The following STPG2 variants were observed in gnomAD, a reference collection of about 807,000 sequenced individuals.
STPG2 encodes the protein sperm-tail PG-rich repeat-containing protein 2.
In STPG2, 56 loss-of-function variants were observed where a neutral mutation model predicts 54.2. The ratio of observed to expected loss-of-function variants is 1.03; its 90% confidence interval spans 0.83 to 1.29. The LOEUF is 1.29. STPG2 is among the 50% of genes most tolerant of loss of function. The probability of loss-of-function intolerance (pLI) is 0.00; values close to 1 mark genes in which losing one functional copy is unlikely to be tolerated. For synonymous variants in STPG2, 200 were observed against 181.8 expected (o/e 1.10, Z -0.81); for missense variants, 596 against 544.9 (o/e 1.09, Z -0.93).
At chr4:98,035,489 C>T (rs951753355) in intron 5 of STPG2, among the ~76,000 whole-genome samples, 5 of 152,172 alleles carry the variant, frequency 3.3e-5, no homozygotes, top group African/African-American at 4.8e-5. Context: ...CGCTCTTCCA[C>T]TGTTGGTGGG....
At chr4:97,863,076 A>T (rs1729616546) in intron 8 of STPG2, among the ~76,000 whole-genome samples, 2 of 152,164 alleles carry the variant, frequency 1.3e-5, no homozygotes, top group Admixed American at 1.3e-4. Flanking sequence ...AGCTAGCAGA[A>T]GGCAAGAAAT....
At chr4:98,009,875 G>C (rs1173747116) in intron 5 of STPG2, among the ~76,000 whole-genome samples, 1 of 151,722 alleles carries the variant, frequency 6.6e-6, no homozygotes, top group African/African-American at 2.4e-5. Flanking sequence ...TTTCTTCTAG[G>C]TTTTTCAGTT....
chr4:97,930,267 G>T (rs1219473480), intron 8 of STPG2, among the ~76,000 whole-genome samples: 3 of 152,164 alleles, frequency 2.0e-5, no homozygotes, highest in Non-Finnish European at 4.4e-5. Flanking sequence ...TTATGTCCAA[G>T]ATAGTATTGG....
chr4:97,830,365 C>T (rs768555554), intron 9 of STPG2, among the ~76,000 whole-genome samples: 5 of 152,128 alleles, frequency 3.3e-5, no homozygotes, highest in Non-Finnish European at 7.3e-5. Flanking sequence ...ATAAGAGCTC[C>T]TGAAGGAAAC....
chr4:98,142,991 G>C, intron 1 of STPG2, 51 bp downstream of exon 1: 1 of 1,492,076 alleles, frequency 6.7e-7, no homozygotes, highest in Non-Finnish European at 9.2e-7. Context: ...AGCGGAGCAG[G>C]CTGAAGATAG....
chr4:97,922,683 C>G (rs1051398326), intron 8 of STPG2, among the ~76,000 whole-genome samples: 2 of 152,170 alleles, frequency 1.3e-5, no homozygotes, highest in African/African-American at 4.8e-5. Context: ...CCAGATGGCT[C>G]TCTGTTAGGT....
rs187184908 is a variant in STPG2, at chr4:98,127,001, C to T, written c.387+1427G>A. Among the ~76,000 whole-genome samples, 736 of 151,844 alleles carry T rather than the reference C, an allele frequency of 4.8e-3. 6 individuals are homozygous for T. Among genetic ancestry groups the T allele is most frequent in the Non-Finnish European group, 5.9e-3 (398 of 67,952 alleles). On this transcript the variant is annotated intron_variant, in intron 3 of 10. Transcript: ENST00000295268. ...ATGAATTAGATCTAATATACTCATA[C>T]GGTTATATCTGGAAAATATAACAGT... is the stretch of plus-strand genomic sequence containing the variant.
intron 9 of STPG2, among the ~76,000 whole-genome samples, chr4:97,758,910 G>T (rs1725810023): frequency 6.6e-6 from 1 of 151,888 alleles, no homozygotes; most frequent in African/African-American, 2.4e-5. Flanking sequence ...GAAAAAAAAA[G>T]AATTTAGCAA....
At chr4:97,902,188 C>T (rs1435332626) in intron 8 of STPG2, among the ~76,000 whole-genome samples, 1 of 151,982 alleles carries the variant, frequency 6.6e-6, no homozygotes, top group Non-Finnish European at 1.5e-5. Flanking sequence ...AGACCTGAAA[C>T]CACAGGATTT....
chr4:97,560,237 C>T (rs1732190162), intron 10 of STPG2, among the ~76,000 whole-genome samples: 1 of 152,100 alleles, frequency 6.6e-6, no homozygotes, highest in South Asian at 2.1e-4. Context: ...TACTCTGTTT[C>T]CTAACTATGA....
At chr4:97,987,938 G>A (rs113696444) in intron 5 of STPG2, among the ~76,000 whole-genome samples, 8 of 151,622 alleles carry the variant, frequency 5.3e-5, no homozygotes, top group African/African-American at 1.7e-4. Context: ...TCCACAATCC[G>A]AGTCAGATTG....
At position 97,863,014 on chromosome 4, in the gene STPG2, C is replaced by A. The variant is rs1729614420; in HGVS notation, c.1045-22082G>T. ...AAGCAGGAAAGATCTAAAATTGACACCCTAACATCACAATTAAAAGAACTA... is the reference window on the plus strand; with the variant it reads ...AAGCAGGAAAGATCTAAAATTGACAACCTAACATCACAATTAAAAGAACTA... On this transcript the variant is annotated intron_variant, in intron 8 of 10. Coordinates refer to ENST00000295268, the MANE Select transcript of STPG2 (RefSeq NM_174952.3). 3.9e-5 allele frequency among the ~76,000 whole-genome samples: 6 copies of A among 152,052 alleles called. No homozygotes were observed. The South Asian group carries it at 1.2e-3, about 32-fold the overall frequency.
At chr4:97,864,296 C>T (rs1729677124) in intron 8 of STPG2, among the ~76,000 whole-genome samples, 2 of 95,578 alleles carry the variant, frequency 2.1e-5, no homozygotes, top group Admixed American at 1.7e-4. Context: ...CATTCTTAGA[C>T]ACCAATAACA....
At chr4:97,973,739 G>A (rs9991616) in intron 6 of STPG2, among the ~76,000 whole-genome samples, 6 of 146,556 alleles carry the variant, frequency 4.1e-5, no homozygotes, top group South Asian at 2.2e-4. Context: ...AGGAGCCAAC[G>A]TAGAGCTCAG....
chr4:98,130,920 T>C (rs1578185527), intron 2 of STPG2, among the ~76,000 whole-genome samples: 1 of 37,142 alleles, frequency 2.7e-5, no homozygotes, highest in African/African-American at 1.2e-4. Flanking sequence ...AGACTCCGTC[T>C]CAAAAAAAAA....
At chr4:97,805,548 TG>T (rs1357569176) in intron 9 of STPG2, among the ~76,000 whole-genome samples, 3 of 152,214 alleles carry the variant, frequency 2.0e-5, no homozygotes, top group Non-Finnish European at 2.9e-5. Context: ...ATATGTTTGT[TG>T]GCCAATTGTA....
intron 4 of STPG2, among the ~76,000 whole-genome samples, chr4:97,539,526 C>G (rs1487911580): frequency 2.0e-5 from 3 of 152,162 alleles, no homozygotes; most frequent in Non-Finnish European, 4.4e-5. Flanking sequence ...AATACAGGAG[C>G]ACCCAGATTC....
chr4:97,675,586 T>G (rs1452913993), intron 10 of STPG2, among the ~76,000 whole-genome samples: 2 of 152,008 alleles, frequency 1.3e-5, no homozygotes, highest in African/African-American at 2.4e-5. Context: ...ATTCCTTGAG[T>G]GTGCCAAGAA....
chr4:97,551,739 C>A (rs1456848543), intron 4 of STPG2, among the ~76,000 whole-genome samples: 2 of 152,180 alleles, frequency 1.3e-5, no homozygotes, highest in Admixed American at 1.3e-4. Context: ...CGCTCATGTA[C>A]ATAGAAAAAA....
Sources: allele counts gnomAD v4.1 joint callset (sites outside exome capture counted in the v4.1 genomes callset), GRCh38; gene constraint gnomAD v4.1.1; transcripts MANE v1.5; gene names NCBI Gene and HGNC (gene_info 2026-07-23, HGNC 2026-07-21).